Variants in MAP3K5 observed in about 807,000 individuals in gnomAD.
MAP3K5 encodes the protein ASK-1.
In MAP3K5, 56 loss-of-function variants were observed where a neutral mutation model predicts 158.7. The ratio of observed to expected loss-of-function variants is 0.35; its 90% CI spans 0.28 to 0.44. MAP3K5 has a LOEUF of 0.44. Among genes scored for constraint, MAP3K5 ranks in the 20% least tolerant of loss-of-function variants. The pLI is 1.00. For missense variants in MAP3K5, 1,294 were observed against 1,674.8 expected (o/e 0.77, Z 3.97); for synonymous variants, 579 against 601.7 (o/e 0.96, Z 0.55).
intron 3 of MAP3K5, among the ~76,000 whole-genome samples, chr6:136,702,805 C>T (rs1026295993): frequency 1.3e-5 from 2 of 152,208 alleles, no homozygotes; most frequent in South Asian, 2.1e-4. Context: ...AAGTGATTCT[C>T]GTGCCTCAGC....
rs200595565 is a variant in MAP3K5, at chr6:136,592,546, C to T, written c.2947G>A (p.Gly983Ser). The T allele has an allele frequency of 7.7e-5, 124 of 1,613,920 alleles. No individual in the cohort carries two copies. The highest frequency in any genetic ancestry group is 1.6e-4 in the Middle Eastern group (1 of 6,062). ...AACTCCGTGTCGGGTGAAACTGAGCCGTACTCACTGCTGCTGCTGGTGTCC... is the reference window on the plus strand; with the variant it reads ...AACTCCGTGTCGGGTGAAACTGAGCTGTACTCACTGCTGCTGCTGGTGTCC... ...VEDTSSSSEY[G>S]SVSPDTELKV... is the part of the protein sequence containing the mutation. Residue 983 changes from glycine (G) to serine (S), a missense_variant, in exon 22 of 30, where the codon GGC becomes AGC. Physicochemically the swap from Gly to Ser is moderately conservative, Grantham distance 56. Coordinates refer to ENST00000359015, the MANE Select transcript of MAP3K5 (RefSeq NM_005923.4).
intron 25 of MAP3K5, among the ~76,000 whole-genome samples, chr6:136,577,508 CAA>C (rs575137502): frequency 9.9e-4 from 151 of 152,296 alleles, no homozygotes; most frequent in African/African-American, 3.3e-3. Context: ...GGTGGAAGAA[CAA>C]AGTCCTTTCT....
intron 12 of MAP3K5, among the ~76,000 whole-genome samples, chr6:136,642,219 G>C (rs1210942281): frequency 1.3e-5 from 2 of 152,030 alleles, no homozygotes; most frequent in Non-Finnish European, 2.9e-5. Flanking sequence ...CTCAGCTAAA[G>C]AGGACCTCCA....
chr6:136,722,968 A>G (rs951839181), intron 1 of MAP3K5, among the ~76,000 whole-genome samples: 1 of 152,058 alleles, frequency 6.6e-6, no homozygotes, highest in Non-Finnish European at 1.5e-5. Flanking sequence ...GATTACAGGC[A>G]TGAGCCACCA....
At chr6:136,697,430 C>G in intron 4 of MAP3K5, 43 bp from the exon 5 acceptor site, 2 of 1,479,060 alleles carry the variant, frequency 1.4e-6, no homozygotes, top group Non-Finnish European at 1.8e-6. Flanking sequence ...ACATTAGAAA[C>G]AATTTCAATG....
At chr6:136,602,388 G>A (rs1256765747) in intron 19 of MAP3K5, among the ~76,000 whole-genome samples, 7 of 151,854 alleles carry the variant, frequency 4.6e-5, no homozygotes, top group Non-Finnish European at 8.8e-5. Context: ...CTGCAGTCTC[G>A]ACCTCCCAGG....
intron 1 of MAP3K5, among the ~76,000 whole-genome samples, chr6:136,756,271 T>A (rs1783478487): frequency 6.6e-6 from 1 of 152,024 alleles, no homozygotes; most frequent in Non-Finnish European, 1.5e-5. Flanking sequence ...TGAGCTGAGA[T>A]GGTACCTCTG....
At chr6:136,625,884 TAA>T (rs1334240821) in intron 14 of MAP3K5, among the ~76,000 whole-genome samples, 1 of 151,958 alleles carries the variant, frequency 6.6e-6, no homozygotes, top group Non-Finnish European at 1.5e-5. Context: ...ACATTTAACA[TAA>T]AGATATAAAA....
At chr6:136,740,815 C>T (rs534054190) in intron 1 of MAP3K5, among the ~76,000 whole-genome samples, 2 of 152,270 alleles carry the variant, frequency 1.3e-5, no homozygotes, top group Admixed American at 6.5e-5. Flanking sequence ...CATAAATAAA[C>T]CAGACTTCTG....
intron 24 of MAP3K5, among the ~76,000 whole-genome samples, chr6:136,580,904 T>C (rs1774844554): frequency 6.6e-6 from 1 of 152,032 alleles, no homozygotes; most frequent in Non-Finnish European, 1.5e-5. Context: ...AACCTGTGCC[T>C]CCGGGGCTCA....
chr6:136,771,531 T>C (rs1490519265), intron 1 of MAP3K5, among the ~76,000 whole-genome samples: 1 of 152,170 alleles, frequency 6.6e-6, no homozygotes, highest in African/African-American at 2.4e-5. Flanking sequence ...GTTACTACCC[T>C]TTCCTGAGAA....
chr6:136,708,348 C>CA (rs1781164192), intron 2 of MAP3K5, among the ~76,000 whole-genome samples: 1 of 152,028 alleles, frequency 6.6e-6, no homozygotes, highest in Admixed American at 6.6e-5. Flanking sequence ...CTCAACTTCC[C>CA]AGGCTCCAGA....
Position 136,557,631 on chromosome 6 carries a change from A to G in MAP3K5, c.*127T>C, listed in dbSNP as rs1183172517. 4.6e-5 allele frequency: 26 copies of G among 567,414 alleles called. No individual in the cohort carries two copies. The Middle Eastern group carries it at 8.0e-4, about 17-fold the overall frequency. 35.1% of individuals were successfully genotyped at this position (567,414 alleles called of 1,614,324 possible). A position where few individuals can be genotyped will look rare whatever the true frequency, so the allele number is the denominator to read the frequency against. ...TTTGTCTGTTTTTTTTTTTTTTAAC[A>G]TGAGTAAACAAATACTGGATTTAAA... On this transcript the variant is annotated 3_prime_UTR_variant, in exon 30 of 30. Transcript: ENST00000359015.
intron 2 of MAP3K5, among the ~76,000 whole-genome samples, chr6:136,709,797 T>C (rs1039802266): frequency 2.0e-5 from 3 of 152,284 alleles, no homozygotes; most frequent in African/African-American, 7.2e-5. Flanking sequence ...AGCCAGATGA[T>C]GGTGTGCACC....
At chr6:136,691,940 C>G (rs1346488784) in intron 7 of MAP3K5, among the ~76,000 whole-genome samples, 1 of 151,784 alleles carries the variant, frequency 6.6e-6, no homozygotes, top group Non-Finnish European at 1.5e-5. Context: ...TTTTTATGTC[C>G]TTGTCTGGTA....
intron 1 of MAP3K5, among the ~76,000 whole-genome samples, chr6:136,749,475 G>C (rs1783100990): frequency 6.6e-6 from 1 of 151,750 alleles, no homozygotes; most frequent in South Asian, 2.1e-4. Flanking sequence ...CGGTTTTGCT[G>C]TCTAATATGA....
chr6:136,736,675 C>A (rs560773044), intron 1 of MAP3K5, among the ~76,000 whole-genome samples: 74 of 152,018 alleles, frequency 4.9e-4, no homozygotes, highest in African/African-American at 1.8e-3. Context: ...TAAAGGAATT[C>A]GCATACTCTA....
intron 7 of MAP3K5, among the ~76,000 whole-genome samples, chr6:136,692,043 T>G (rs975573077): frequency 1.3e-5 from 2 of 152,084 alleles, no homozygotes; most frequent in Non-Finnish European, 2.9e-5. Flanking sequence ...ACCACTTTAG[T>G]AGTTGAGAGT....
intron 25 of MAP3K5, among the ~76,000 whole-genome samples, chr6:136,577,797 C>A: frequency 6.6e-6 from 1 of 152,194 alleles, no homozygotes; most frequent in East Asian, 1.9e-4. Flanking sequence ...ATAACTATGG[C>A]ATGTTTTTCA....
Sources: gnomAD v4.1 joint callset for allele counts (sites outside exome capture counted in the v4.1 genomes callset) on GRCh38, gnomAD v4.1.1 for gene constraint, MANE v1.5 for transcripts, NCBI Gene and HGNC (gene_info 2026-07-23, HGNC 2026-07-21) for gene names.